ATL2: variants seen among roughly 807,000 people sequenced by gnomAD.
ATL2 encodes atlastin-2.
A neutral mutation model predicts 73.9 loss-of-function variants in ATL2; 31 were observed. The observed-to-expected ratio is 0.42, with a 90% CI of 0.32 to 0.57. The LOEUF (loss-of-function observed/expected upper bound fraction) is 0.57, where lower values mean the gene tolerates loss of function less well. ATL2 is among the 20% of genes least tolerant of loss of function. ATL2 has a pLI of 0.14. For missense variants in ATL2, 738 were observed against 702.6 expected, an observed-to-expected ratio of 1.05 and a Z score of -0.57; for synonymous variants, 291 against 237.5, an observed-to-expected ratio of 1.23 and a Z score of -2.07.
rs761448185 is a variant in ATL2 at position 38,299,241 on chromosome 2, A to C, written c.1200+15T>G. The C allele has an allele frequency of 1.5e-5, 23 of 1,495,856 alleles. No homozygotes were observed. The highest frequency in any genetic ancestry group is 1.9e-5 in the Non-Finnish European group (22 of 1,131,724). 92.7% of individuals were successfully genotyped at this position (1,495,856 alleles called of 1,614,324 possible). The stretch of plus-strand genomic sequence containing the variant: ...CTTCTCACTCCAGCATCAAATTTAA[A>C]TTTTAGGTACAAACCTGTTCCATAC... On this transcript the variant is annotated intron_variant, in intron 11 of 12. Transcript: ENST00000378954.
intron 11 of ATL2, 64 bp downstream of exon 11, chr2:38,299,191 AT>A (rs954196375): frequency 0.11 from 91,143 of 847,614 alleles, 271 homozygotes; most frequent in Middle Eastern, 0.12. Context: ...AATTTTTTTA[AT>A]TTTTTTTTTT....
At position 38,374,606 on chromosome 2, in the gene ATL2, T is replaced by C. The variant is rs148226810; in HGVS notation, c.118+2537A>G. ...GCCTGACAAACAGCTTTGCTGACAA[T>C]TGTGTGTGTCAAACAGGTCTTCCAA... On this transcript the variant is annotated intron_variant, in intron 1 of 12. Transcript: ENST00000378954. Among the ~76,000 whole-genome samples the C allele has an allele frequency of 2.6e-3, 389 of 152,352 alleles. 4 individuals are homozygous for C. Among genetic ancestry groups the C allele is most frequent in the African/African-American group, 8.8e-3 (365 of 41,582 alleles).
chr2:38,301,294 T>C (rs1440771563), intron 9 of ATL2, among the ~76,000 whole-genome samples: 1 of 152,158 alleles, frequency 6.6e-6, no homozygotes, highest in Non-Finnish European at 1.5e-5. Flanking sequence ...ACTGACAAGA[T>C]TCATTCATAA....
chr2:38,361,089 C>T (rs1670988391), intron 1 of ATL2, among the ~76,000 whole-genome samples: 1 of 152,094 alleles, frequency 6.6e-6, no homozygotes, highest in Admixed American at 6.6e-5. Context: ...CGCGGTGGCT[C>T]ATGCCTGTAA....
intron 12 of ATL2, chr2:38,296,419 T>C: frequency 6.5e-7 from 1 of 1,548,692 alleles, no homozygotes; most frequent in Non-Finnish European, 8.7e-7. Flanking sequence ...CAGACGGTCC[T>C]GCTTATTGTC....
intron 1 of ATL2, among the ~76,000 whole-genome samples, chr2:38,352,578 C>A (rs1469436939): frequency 6.6e-6 from 1 of 152,200 alleles, no homozygotes; most frequent in African/African-American, 2.4e-5. Flanking sequence ...ACAAGGACAA[C>A]AAGCATCACA....
At chr2:38,296,201 A>C in intron 12 of ATL2, 88 bp from the exon 13 acceptor site, 1 of 1,437,392 alleles carries the variant, frequency 7.0e-7, no homozygotes, top group Middle Eastern at 1.9e-4. Flanking sequence ...TTCAATTCAA[A>C]GCAATGATGA....
rs1172437516 is a variant in ATL2, at chr2:38,377,130, C to T, written c.118+13G>A. The T allele has an allele frequency of 3.7e-6, 6 of 1,608,324 alleles. No homozygotes were observed. In the African/African-American group the frequency reaches 8.1e-5, roughly 22 times the overall value. On this transcript the variant is annotated intron_variant, in intron 1 of 12. Transcript: ENST00000378954. ...CATCAGGGCCCCGCGGCCTCTGCCT[C>T]GCTGGCCCGTACCTAGGGAGGTCGT... is the stretch of plus-strand genomic sequence containing the variant.
chr2:38,309,199 C>G (rs2305242), intron 9 of ATL2, among the ~76,000 whole-genome samples, 180 bp downstream of exon 9: 1 of 152,076 alleles, frequency 6.6e-6, no homozygotes, highest in African/African-American at 2.4e-5. Flanking sequence ...AGACAGAAAT[C>G]TGCTATAATC....
chr2:38,337,721 T>C (rs559761406), intron 2 of ATL2, among the ~76,000 whole-genome samples: 19 of 152,036 alleles, frequency 1.2e-4, no homozygotes, highest in African/African-American at 4.6e-4. Flanking sequence ...GAAATGAGAT[T>C]GGAATTGATA....
Position 38,329,423 on chromosome 2 carries a change from CAAAAAAAAA to C in ATL2, c.364-10413_364-10405del, listed in dbSNP as rs70954711. On this transcript the variant is annotated intron_variant, in intron 2 of 12. Transcript: ENST00000378954. ...AGGAGACAGAGCAAGACTCCATCTCCAAAAAAAAAAAAAAAAAAAAAAAAAAAAGATCAA... is the reference window on the plus strand; with the variant it reads ...AGGAGACAGAGCAAGACTCCATCTCCAAAAAAAAAAAAAAAAAAAGATCAA... 1.0e-3 allele frequency among the ~76,000 whole-genome samples: 14 copies of C among 13,652 alleles called. No homozygotes were observed. In the South Asian group the frequency reaches 0.015, roughly 15 times the overall value. The allele number at this position is 13,652 out of a possible 152,430, so 9.0% of individuals were successfully genotyped here.
intron 4 of ATL2, chr2:38,318,265 G>C (rs113887313): frequency 7.7e-6 from 2 of 260,096 alleles, no homozygotes; most frequent in South Asian, 1.6e-4. Context: ...GTCACCTGAG[G>C]TCAGGAGTTC....
chr2:38,377,273 T>TA, upstream of ATL2: 2 of 1,551,838 alleles, frequency 1.3e-6, no homozygotes, highest in South Asian at 1.2e-5. Context: ...TGTACCGATT[T>TA]AAAATTAACT....
At chr2:38,371,893 T>C (rs1452303784) in intron 1 of ATL2, among the ~76,000 whole-genome samples, 1 of 152,236 alleles carries the variant, frequency 6.6e-6, no homozygotes, top group Non-Finnish European at 1.5e-5. Flanking sequence ...GGAGGCTCTG[T>C]CTCAAAATAA....
intron 2 of ATL2, among the ~76,000 whole-genome samples, chr2:38,342,223 T>C (rs867936808): frequency 7.2e-5 from 11 of 152,110 alleles, no homozygotes; most frequent in Admixed American, 1.3e-4. Context: ...GGAAAGAGAT[T>C]CATCAATTAA....
intron 1 of ATL2, among the ~76,000 whole-genome samples, chr2:38,373,485 C>G (rs1055672686): frequency 1.3e-5 from 2 of 152,144 alleles, no homozygotes; most frequent in Non-Finnish European, 2.9e-5. Context: ...AGACCAAATC[C>G]AAGGTCAATC....
At chr2:38,322,103 A>G (rs974535666) in intron 2 of ATL2, among the ~76,000 whole-genome samples, 1 of 152,058 alleles carries the variant, frequency 6.6e-6, no homozygotes, top group Non-Finnish European at 1.5e-5. Flanking sequence ...GCTACAAACA[A>G]TCATCTTTGT....
chr2:38,314,222 A>T (rs1484274440), intron 6 of ATL2, among the ~76,000 whole-genome samples: 2 of 152,230 alleles, frequency 1.3e-5, no homozygotes, highest in African/African-American at 2.4e-5. Flanking sequence ...CAAAATAAAG[A>T]GTAACAGAAC....
chr2:38,371,441 A>G (rs1671683161), intron 1 of ATL2, among the ~76,000 whole-genome samples: 1 of 151,866 alleles, frequency 6.6e-6, no homozygotes, highest in African/African-American at 2.4e-5. Context: ...CAGGGAGGTC[A>G]AAACCGCGGT....
Sources: gnomAD v4.1 joint callset for allele counts (sites outside exome capture counted in the v4.1 genomes callset) on GRCh38, gnomAD v4.1.1 for gene constraint, MANE v1.5 for transcripts, NCBI Gene and HGNC (gene_info 2026-07-23, HGNC 2026-07-21) for gene names.